The following SGCZ variants were observed in gnomAD, a reference collection of about 807,000 sequenced individuals.
The protein encoded by SGCZ is sarcoglycan zeta.
Under a neutral mutation model 41.3 loss-of-function variants are expected in SGCZ, and 40 were observed. That is an observed-to-expected ratio of 0.97 (90% confidence interval 0.75 to 1.26). The LOEUF is 1.26. Ranked by LOEUF, SGCZ falls within the 50% of genes most tolerant of loss-of-function variation. The pLI is 0.00. For missense variants in SGCZ, 552 were observed against 369.8 expected, an observed-to-expected ratio of 1.49 and a Z score of -4.04; for synonymous variants, 206 against 137.5, an observed-to-expected ratio of 1.50 and a Z score of -3.49.
At chr8:14,104,821 G>A (rs1802151658) in intron 6 of SGCZ, among the ~76,000 whole-genome samples, 1 of 152,020 alleles carries the variant, frequency 6.6e-6, no homozygotes, top group African/African-American at 2.4e-5. Context: ...TCTGTGTTAA[G>A]CTGTATTTTT....
intron 1 of SGCZ, among the ~76,000 whole-genome samples, chr8:14,558,203 A>C (rs1166111109): frequency 1.3e-5 from 2 of 152,170 alleles, no homozygotes; most frequent in African/African-American, 4.8e-5. Flanking sequence ...GTCCAGGACC[A>C]GTTGGATTCA....
intron 2 of SGCZ, among the ~76,000 whole-genome samples, chr8:14,514,734 T>G (rs1345329240): frequency 6.8e-6 from 1 of 148,106 alleles, no homozygotes; most frequent in African/African-American, 2.5e-5. Context: ...CATATTTACA[T>G]ATATGTAAAT....
At chr8:14,183,007 G>A (rs1200818453) in intron 4 of SGCZ, among the ~76,000 whole-genome samples, 3 of 54,792 alleles carry the variant, frequency 5.5e-5, no homozygotes, top group Non-Finnish European at 1.0e-4. Flanking sequence ...GCAAAACTCC[G>A]TCTCAAAAAA....
intron 1 of SGCZ, among the ~76,000 whole-genome samples, chr8:14,916,569 T>C (rs2130784748): frequency 6.6e-6 from 1 of 152,344 alleles, no homozygotes; most frequent in South Asian, 2.1e-4. Flanking sequence ...AATGATCCTA[T>C]TTGTAAGCTC....
At chr8:14,333,807 T>C (rs575244496) in intron 2 of SGCZ, among the ~76,000 whole-genome samples, 1 of 152,226 alleles carries the variant, frequency 6.6e-6, no homozygotes, top group African/African-American at 2.4e-5. Flanking sequence ...TTACCAACTC[T>C]GAAGAAAGAC....
chr8:14,249,210 T>C (rs1799203518), intron 3 of SGCZ, among the ~76,000 whole-genome samples: 1 of 152,178 alleles, frequency 6.6e-6, no homozygotes, highest in Non-Finnish European at 1.5e-5. Flanking sequence ...TCTCTCTGCC[T>C]GACTGTCTTC....
rs188873742 is a variant in SGCZ at position 14,880,724 on chromosome 8, G to A, written c.40-325798C>T. On this transcript the variant is annotated intron_variant, in intron 1 of 7. Coordinates refer to ENST00000382080, the MANE Select transcript of SGCZ (RefSeq NM_139167.4). ...AAAGACAGAAAACCAAACACAACAT[G>A]TTCTCACTCATAGGTGGGAATTGAA... Among the ~76,000 whole-genome samples, 19 of 152,170 alleles carry A rather than the reference G, an allele frequency of 1.2e-4. No homozygotes were observed. In the East Asian group the frequency reaches 3.5e-3, roughly 28 times the overall value.
At chr8:14,126,026 C>T (rs999596383) in intron 5 of SGCZ, among the ~76,000 whole-genome samples, 2 of 152,260 alleles carry the variant, frequency 1.3e-5, no homozygotes, top group Admixed American at 1.3e-4. Flanking sequence ...CATAAAAACC[C>T]TAGAAGAAAG....
At chr8:14,244,892 T>C (rs1464803873) in intron 3 of SGCZ, among the ~76,000 whole-genome samples, 2 of 152,022 alleles carry the variant, frequency 1.3e-5, no homozygotes, top group Non-Finnish European at 2.9e-5. Flanking sequence ...TGGCTCTCTG[T>C]TTGTCTGTTA....
At chr8:14,384,726 A>C (rs1326080530) in intron 2 of SGCZ, among the ~76,000 whole-genome samples, 1 of 152,046 alleles carries the variant, frequency 6.6e-6, no homozygotes, top group African/African-American at 2.4e-5. Context: ...TACCCGGCTA[A>C]TTTTTGTAGA....
chr8:14,108,347 A>T (rs1802272016), intron 5 of SGCZ, 112 bp from the exon 6 acceptor site: 2 of 883,544 alleles, frequency 2.3e-6, no homozygotes, highest in South Asian at 3.0e-5. Flanking sequence ...TAAAACAGGT[A>T]CATATGATGT....
intron 1 of SGCZ, among the ~76,000 whole-genome samples, chr8:14,979,976 C>T (rs1242053547): frequency 6.6e-6 from 1 of 152,118 alleles, no homozygotes; most frequent in Admixed American, 6.5e-5. Context: ...AGGAATCATG[C>T]TTAAAATTAT....
At chr8:14,806,282 G>A (rs1449917280) in intron 1 of SGCZ, among the ~76,000 whole-genome samples, 1 of 150,704 alleles carries the variant, frequency 6.6e-6, no homozygotes, top group Admixed American at 6.6e-5. Flanking sequence ...AAAAATTAAT[G>A]AATCCAGGAG....
chr8:14,686,423 T>A (rs1808613922), intron 1 of SGCZ, among the ~76,000 whole-genome samples: 1 of 152,128 alleles, frequency 6.6e-6, no homozygotes, highest in Non-Finnish European at 1.5e-5. Flanking sequence ...ATTAGGAGAT[T>A]GTTTCAATAA....
chr8:14,716,647 G>C (rs925331895), intron 1 of SGCZ, among the ~76,000 whole-genome samples: 1 of 151,924 alleles, frequency 6.6e-6, no homozygotes, highest in African/African-American at 2.4e-5. Context: ...ACCCATCTTA[G>C]GTTTCTTGCT....
rs184224283 is a variant in SGCZ at position 14,156,271 on chromosome 8, A to T, written c.547+8309T>A. Among the ~76,000 whole-genome samples, 863 of 152,246 alleles carry T rather than the reference A, an allele frequency of 5.7e-3. 4 individuals are homozygous for T. Among genetic ancestry groups the T allele is most frequent in the Non-Finnish European group, 9.1e-3 (620 of 68,006 alleles). Reference sequence around the variant, plus strand: ...TCAGGAGATGGAGACCATCCTGGCTAACACAGTGAAATCCTGTCTCTACTA... The same window carrying T: ...TCAGGAGATGGAGACCATCCTGGCTTACACAGTGAAATCCTGTCTCTACTA... On this transcript the variant is annotated intron_variant, in intron 5 of 7. Coordinates refer to ENST00000382080, the MANE Select transcript of SGCZ (RefSeq NM_139167.4).
At chr8:15,026,574 C>T (rs1803464199) in intron 1 of SGCZ, among the ~76,000 whole-genome samples, 1 of 152,160 alleles carries the variant, frequency 6.6e-6, no homozygotes, top group Non-Finnish European at 1.5e-5. Flanking sequence ...CAGCTGTGCT[C>T]AGATACCACT....
At chr8:14,218,551 T>G (rs1271801464) in intron 4 of SGCZ, among the ~76,000 whole-genome samples, 1 of 152,238 alleles carries the variant, frequency 6.6e-6, no homozygotes, top group African/African-American at 2.4e-5. Context: ...TTTTGCATTG[T>G]TTAAATTTTG....
chr8:14,301,928 C>G (rs1461939113), intron 3 of SGCZ, among the ~76,000 whole-genome samples: 1 of 152,088 alleles, frequency 6.6e-6, no homozygotes, highest in African/African-American at 2.4e-5. Flanking sequence ...TGAATATTTT[C>G]AAATCGTGTT....
Sources: gnomAD v4.1 joint callset for allele counts (sites outside exome capture counted in the v4.1 genomes callset) on GRCh38, gnomAD v4.1.1 for gene constraint, MANE v1.5 for transcripts, NCBI Gene and HGNC (gene_info 2026-07-23, HGNC 2026-07-21) for gene names.